Variants in HIPK1 observed in about 807,000 individuals in gnomAD.
The protein encoded by HIPK1 is homeodomain-interacting protein kinase 1.
HIPK1 carries 28 observed loss-of-function variants against 117.1 expected under a neutral mutation model. The ratio of observed to expected loss-of-function variants is 0.24; its 90% CI spans 0.18 to 0.33. The LOEUF is 0.33. HIPK1 is among the 10% of genes least tolerant of loss of function. The probability of loss-of-function intolerance (pLI) is 1.00; values close to 1 mark genes in which losing one functional copy is unlikely to be tolerated. For synonymous variants in HIPK1, 605 were observed against 562.5 expected (o/e 1.08, Z -1.07); for missense variants, 1,122 against 1,475.1 (o/e 0.76, Z 3.92).
At chr1:113,958,325 G>A (rs1415420747) in intron 8 of HIPK1, 34 bp downstream of exon 8, 1 of 1,434,584 alleles carries the variant, frequency 7.0e-7, no homozygotes, top group African/African-American at 1.4e-5. Flanking sequence ...ATATGGTATT[G>A]TATCAGACCT....
At chr1:113,951,399 C>T in intron 2 of HIPK1, 1 of 410,094 alleles carries the variant, frequency 2.4e-6, no homozygotes, top group Non-Finnish European at 3.3e-6. Flanking sequence ...TTGACTGTGA[C>T]TCTAGGCCAA....
chr1:113,948,420 T>G (rs1453735981), intron 2 of HIPK1, among the ~76,000 whole-genome samples: 1 of 152,032 alleles, frequency 6.6e-6, no homozygotes, highest in African/African-American at 2.4e-5. Flanking sequence ...CCTGGCTAAT[T>G]TTTTAAATTT....
At position 113,955,601 on chromosome 1, in the gene HIPK1, A is replaced by C; in HGVS notation, c.1359A>C (p.Ser453=). 1 of 1,608,564 alleles carries C rather than the reference A, an allele frequency of 6.2e-7. No homozygotes were observed. The highest frequency in any genetic ancestry group is 8.5e-7 in the Non-Finnish European group (1 of 1,175,210). ...ATGAACTGGAGACTGGAATAAAATC[A>C]AAAGAAGCTCGGAAGTACATTTTTA... ...EEHELETGIK[S]KEARKYIFNC... Residue 453 remains serine (S), a synonymous_variant, in exon 5 of 16, where the codon TCA becomes TCC. Transcript: ENST00000426820.
intron 1 of HIPK1, among the ~76,000 whole-genome samples, chr1:113,938,460 G>A (rs909546410): frequency 2.0e-5 from 3 of 152,084 alleles, no homozygotes; most frequent in Admixed American, 1.3e-4. Flanking sequence ...GGGAGAAGGG[G>A]AAGCAAGATG....
chr1:113,952,724 A>G (rs569214854), intron 2 of HIPK1, 42 bp from the exon 3 acceptor site: 2 of 1,261,180 alleles, frequency 1.6e-6, no homozygotes, highest in Admixed American at 2.8e-5. Context: ...TTCCCAAATA[A>G]TGTTTTTTTT....
At chr1:113,965,844 C>G (rs563278929) in intron 10 of HIPK1, among the ~76,000 whole-genome samples, 1 of 152,244 alleles carries the variant, frequency 6.6e-6, no homozygotes, top group Non-Finnish European at 1.5e-5. Flanking sequence ...CTCTCAGACT[C>G]CTTTTCTCTA....
At position 113,974,686 on chromosome 1, in the gene HIPK1, A is replaced by G. The variant is rs939741346; in HGVS notation, c.*1174A>G. ...TATAATAAGTGCATGTAGGAATTGC[A>G]AAAAATATTTTAAAAATTTATTACT... On this transcript the variant is annotated 3_prime_UTR_variant, in exon 16 of 16. Transcript: ENST00000426820. The G allele has an allele frequency of 6.5e-6, 1 of 152,690 alleles. No individual in the cohort carries two copies. The highest frequency in any genetic ancestry group is 2.1e-4 in the South Asian group (1 of 4,828). 9.5% of individuals were successfully genotyped at this position (152,690 alleles called of 1,614,324 possible).
At chr1:113,970,605 G>A (rs1672758572) in intron 14 of HIPK1, among the ~76,000 whole-genome samples, 1 of 152,196 alleles carries the variant, frequency 6.6e-6, no homozygotes, top group Admixed American at 6.5e-5. Flanking sequence ...ATATTCTTTA[G>A]ATTTTTTTCT....
At chr1:113,949,833 C>G (rs1671233596) in intron 2 of HIPK1, among the ~76,000 whole-genome samples, 2 of 152,108 alleles carry the variant, frequency 1.3e-5, no homozygotes, top group Admixed American at 1.3e-4. Context: ...CTCCTGACTT[C>G]AGGTGATCCA....
intron 3 of HIPK1, among the ~76,000 whole-genome samples, chr1:113,953,664 C>T (rs1671514239): frequency 6.6e-6 from 1 of 151,926 alleles, no homozygotes; most frequent in African/African-American, 2.4e-5. Flanking sequence ...ATTACAGGTG[C>T]CTGCCACCAT....
At position 113,970,181 on chromosome 1, in the gene HIPK1, A is replaced by G. The variant is rs1339917178; in HGVS notation, c.2997A>G (p.Val999=). The change falls in exon 14 of 16, where the codon GTA becomes GTG. Residue 999 remains valine, a synonymous_variant. Transcript: ENST00000426820. ...PLKTQLGDCT[V]ATQASGLLSN... ...AAACTCAGCTTGGTGACTGCACTGT[A>G]GCAACCCAGGCCTCAGGTCAGTGTT... The G allele has an allele frequency of 1.9e-6, 3 of 1,614,066 alleles. No homozygotes were observed. Among genetic ancestry groups the G allele is most frequent in the Non-Finnish European group, 2.5e-6 (3 of 1,180,030 alleles).
rs1451649061 is a variant in HIPK1, at chr1:113,977,443, GAT to G, written c.*3934_*3935del. The G allele has an allele frequency of 1.5e-4, 23 of 152,770 alleles. No homozygotes were observed. Among genetic ancestry groups the G allele is most frequent in the African/African-American group, 5.3e-4 (22 of 41,550 alleles). 9.5% of individuals were successfully genotyped at this position (152,770 alleles called of 1,614,324 possible). ...AATTCCTACTTTATTAAATGTATTT[GAT>G]ATGCTAGTTATTGTGTGCGATTTAA... On this transcript the variant is annotated 3_prime_UTR_variant, in exon 16 of 16. Coordinates refer to ENST00000426820, the MANE Select transcript of HIPK1 (RefSeq NM_198268.3).
At chr1:113,968,907 C>T (rs545119805) in intron 13 of HIPK1, among the ~76,000 whole-genome samples, 1 of 152,286 alleles carries the variant, frequency 6.6e-6, no homozygotes, top group African/African-American at 2.4e-5. Flanking sequence ...TGTATCCCAG[C>T]TACTCGGGAG....
intron 13 of HIPK1, 151 bp downstream of exon 13, chr1:113,968,799 T>A: frequency 3.1e-6 from 2 of 651,784 alleles, no homozygotes; most frequent in Non-Finnish European, 5.5e-6. Context: ...GGCCAGCAGA[T>A]CACCTGAGGT....
chr1:113,939,803 A>G (rs2101160890), intron 1 of HIPK1, among the ~76,000 whole-genome samples: 1 of 152,214 alleles, frequency 6.6e-6, no homozygotes, highest in East Asian at 1.9e-4. Flanking sequence ...AATAGCTTTC[A>G]GTTTAATCTG....
intron 15 of HIPK1, 48 bp from the exon 16 acceptor site, chr1:113,972,976 G>A (rs370913626): frequency 6.6e-7 from 1 of 1,507,494 alleles, no homozygotes; most frequent in East Asian, 2.3e-5. Context: ...TTGGTGCCCT[G>A]AGCTGGAGTG....
intron 3 of HIPK1, among the ~76,000 whole-genome samples, chr1:113,954,230 TG>T (rs2101317825): frequency 6.6e-6 from 1 of 152,312 alleles, no homozygotes; most frequent in South Asian, 2.1e-4. Context: ...CCCAAAGTAC[TG>T]GGATTACAGG....
chr1:113,936,230 G>C (rs932446805), intron 1 of HIPK1, among the ~76,000 whole-genome samples: 5 of 152,200 alleles, frequency 3.3e-5, no homozygotes, highest in African/African-American at 1.2e-4. Context: ...GGGAAGACCA[G>C]TGAAAGAATT....
chr1:113,956,541 C>A (rs1040168711), intron 5 of HIPK1, 86 bp from the exon 6 acceptor site: 1 of 880,000 alleles, frequency 1.1e-6, no homozygotes, highest in Non-Finnish European at 1.8e-6. Context: ...TATATACACA[C>A]ACACATAGTT....
Sources: allele counts gnomAD v4.1 joint callset (sites outside exome capture counted in the v4.1 genomes callset), GRCh38; gene constraint gnomAD v4.1.1; transcripts MANE v1.5; gene names NCBI Gene and HGNC (gene_info 2026-07-23, HGNC 2026-07-21).